COX10: variants seen among roughly 807,000 people sequenced by gnomAD.
The protein encoded by COX10 is cytochrome c oxidase assembly factor heme A:farnesyltransferase COX10.
Under a neutral mutation model 37.3 loss-of-function variants are expected in COX10, and 27 were observed. The ratio of observed to expected loss-of-function variants is 0.72; its 90% confidence interval spans 0.53 to 1.00. The LOEUF (loss-of-function observed/expected upper bound fraction) is 1.00, where lower values mean the gene tolerates loss of function less well. COX10 is among the 50% of genes least tolerant of loss of function. The pLI is 0.00. For missense variants in COX10, 475 were observed against 563.2 expected (o/e 0.84, Z 1.59); for synonymous variants, 222 against 229.1 (o/e 0.97, Z 0.28).
At chr17:14,098,523 T>C (rs1915701704) in intron 3 of COX10, among the ~76,000 whole-genome samples, 2 of 152,168 alleles carry the variant, frequency 1.3e-5, no homozygotes, top group South Asian at 4.1e-4. Context: ...ATTTATGGTG[T>C]GATATCTACA....
intron 4 of COX10, among the ~76,000 whole-genome samples, chr17:14,131,452 TA>T (rs1597513065): frequency 1.3e-5 from 2 of 152,024 alleles, no homozygotes; most frequent in South Asian, 4.1e-4. Context: ...TACTCTAGCT[TA>T]TTTTTTTATT....
chr17:14,201,252 C>T (rs1567613849), intron 6 of COX10, among the ~76,000 whole-genome samples: 1 of 152,190 alleles, frequency 6.6e-6, no homozygotes, highest in Non-Finnish European at 1.5e-5. Context: ...TTCAAGTCTT[C>T]CTGTTCTAGT....
At chr17:14,121,044 G>A (rs529360911) in intron 4 of COX10, among the ~76,000 whole-genome samples, 1 of 152,258 alleles carries the variant, frequency 6.6e-6, no homozygotes, top group Admixed American at 6.5e-5. Flanking sequence ...CATTCTGCCT[G>A]TGACTAATTG....
chr17:14,114,311 C>T (rs1207719599), intron 4 of COX10, among the ~76,000 whole-genome samples: 1 of 152,036 alleles, frequency 6.6e-6, no homozygotes, highest in Admixed American at 6.6e-5. Context: ...CCAATTAACT[C>T]CAGTGTTCTT....
At chr17:14,159,685 T>TA (rs1205057418) in intron 4 of COX10, among the ~76,000 whole-genome samples, 192 bp from the exon 5 acceptor site, 1 of 27,668 alleles carries the variant, frequency 3.6e-5, no homozygotes, top group Non-Finnish European at 1.1e-4. Flanking sequence ...TAGTGCAAAT[T>TA]ATTGTTGTTG....
intron 4 of COX10, among the ~76,000 whole-genome samples, chr17:14,113,059 G>C (rs972640512): frequency 6.6e-6 from 1 of 152,156 alleles, no homozygotes; most frequent in African/African-American, 2.4e-5. Flanking sequence ...GACTCTGCAT[G>C]ATCTGATTCT....
At chr17:14,158,985 C>T (rs1905114855) in intron 4 of COX10, among the ~76,000 whole-genome samples, 1 of 152,170 alleles carries the variant, frequency 6.6e-6, no homozygotes, top group South Asian at 2.1e-4. Flanking sequence ...TAAGAACATA[C>T]TTGTACAGTT....
At chr17:14,121,549 A>G (rs934764037) in intron 4 of COX10, among the ~76,000 whole-genome samples, 3 of 152,184 alleles carry the variant, frequency 2.0e-5, no homozygotes, top group Non-Finnish European at 2.9e-5. Flanking sequence ...GTTGTGTGAC[A>G]TGGGGCAAAT....
At chr17:14,123,656 T>C (rs534908023) in intron 4 of COX10, among the ~76,000 whole-genome samples, 1 of 152,304 alleles carries the variant, frequency 6.6e-6, no homozygotes, top group Non-Finnish European at 1.5e-5. Context: ...TTTAATGTTA[T>C]GTTTTAAGGT....
intron 4 of COX10, among the ~76,000 whole-genome samples, chr17:14,107,696 A>C (rs866539489): frequency 2.1e-4 from 32 of 151,494 alleles, no homozygotes; most frequent in South Asian, 4.2e-4. Context: ...CACACACACC[A>C]CACACGACCT....
chr17:14,176,490 C>T (rs73979182), intron 5 of COX10, among the ~76,000 whole-genome samples: 3,742 of 152,268 alleles, frequency 0.025, 128 homozygotes, highest in African/African-American at 0.075. Flanking sequence ...CTGAGAGTCT[C>T]CTTAAAGGCA....
intron 1 of COX10, among the ~76,000 whole-genome samples, chr17:14,072,204 G>C (rs1003825745): frequency 1.3e-5 from 2 of 151,988 alleles, no homozygotes; most frequent in African/African-American, 2.4e-5. Context: ...TAAAATCTCA[G>C]TTTGACCCAC....
At chr17:14,133,324 A>G (rs1227636485) in intron 4 of COX10, among the ~76,000 whole-genome samples, 1 of 151,698 alleles carries the variant, frequency 6.6e-6, no homozygotes, top group Non-Finnish European at 1.5e-5. Flanking sequence ...ATTAATCTTT[A>G]TTACACCAAT....
At chr17:14,106,169 A>C (rs1046847404) in intron 4 of COX10, among the ~76,000 whole-genome samples, 1 of 151,964 alleles carries the variant, frequency 6.6e-6, no homozygotes, top group African/African-American at 2.4e-5. Context: ...GGCGCCCGCC[A>C]CCGTGCCCAC....
chr17:14,137,328 A>G (rs968589866), intron 4 of COX10, among the ~76,000 whole-genome samples: 11 of 151,540 alleles, frequency 7.3e-5, no homozygotes, highest in African/African-American at 2.7e-4. Context: ...TTTTATTCAT[A>G]TAATGTAACA....
At chr17:14,152,252 A>G (rs543406286) in intron 4 of COX10, among the ~76,000 whole-genome samples, 9 of 152,302 alleles carry the variant, frequency 5.9e-5, no homozygotes, top group African/African-American at 9.6e-5. Context: ...AATTGCACCT[A>G]CAGTTCCACA....
intron 4 of COX10, among the ~76,000 whole-genome samples, chr17:14,129,839 G>A (rs1053356248): frequency 1.3e-5 from 2 of 152,072 alleles, no homozygotes; most frequent in African/African-American, 4.8e-5. Flanking sequence ...TGGTGGTTTT[G>A]TTTTTACCTA....
At chr17:14,173,918 C>G (rs750365603) in intron 5 of COX10, among the ~76,000 whole-genome samples, 62 of 152,110 alleles carry the variant, frequency 4.1e-4, no homozygotes, top group Non-Finnish European at 7.8e-4. Flanking sequence ...ACAACATGGG[C>G]TGCTCCCCAG....
intron 4 of COX10, among the ~76,000 whole-genome samples, chr17:14,115,586 T>C (rs949901866): frequency 4.6e-5 from 7 of 152,268 alleles, no homozygotes; most frequent in African/African-American, 1.7e-4. Context: ...CACTCATATG[T>C]TTATCACCGC....
Sources: gnomAD v4.1 joint callset for allele counts (sites outside exome capture counted in the v4.1 genomes callset) on GRCh38, gnomAD v4.1.1 for gene constraint, MANE v1.5 for transcripts, NCBI Gene and HGNC (gene_info 2026-07-23, HGNC 2026-07-21) for gene names.